Variants in ZNF324B observed in about 807,000 individuals in gnomAD.
ZNF324B encodes the protein zinc finger protein 324B.
Under a neutral mutation model 10.6 loss-of-function variants are expected in ZNF324B, and 7 were observed. The observed-to-expected ratio is 0.66, with a 90% confidence interval of 0.38 to 1.24. The LOEUF (loss-of-function observed/expected upper bound fraction) is 1.24, where lower values mean the gene tolerates loss of function less well. Ranked by LOEUF, ZNF324B falls within the 50% of genes most tolerant of loss-of-function variation. ZNF324B has a pLI of 0.02. For synonymous variants in ZNF324B, 316 were observed against 321.0 expected (o/e 0.98, Z 0.17); for missense variants, 640 against 764.7 (o/e 0.84, Z 1.92).
Position 58,456,495 on chromosome 19 carries a change from G to C in ZNF324B, c.1551G>C (p.Pro517=), listed in dbSNP as rs769641986. ...ATGCCGCAGCACCAGACTGCACCCC[G>C]GGGCCAGGTTTCCTTCAGGGACATC... ...KTNAAAPDCT[P]GPGFLQGHHR... is the part of the protein sequence containing the mutation. Residue 517 remains proline (P), a synonymous_variant, in exon 4 of 4, where the codon CCG becomes CCC. Coordinates refer to ENST00000336614, the MANE Select transcript of ZNF324B (RefSeq NM_207395.3). The surrounding 1 kb of genome is among the most constrained non-coding windows in gnomAD (Gnocchi z 4.7). The C allele has an allele frequency of 6.2e-7, 1 of 1,614,064 alleles. No individual in the cohort carries two copies. Among genetic ancestry groups the C allele is most frequent in the African/African-American group, 1.3e-5 (1 of 74,932 alleles).
At chr19:58,429,767 C>CTCAA in the ZNF324B span, 1 of 152,258 alleles carries the variant, frequency 6.6e-6, no homozygotes, top group Non-Finnish European at 1.5e-5. Context: ...AATGAAGGTA[C>CTCAA]TCAAAGCCTA....
At chr19:58,422,669 C>A in the ZNF324B span, among the ~76,000 whole-genome samples, 1 of 152,006 alleles carries the variant, frequency 6.6e-6, no homozygotes, top group Non-Finnish European at 1.5e-5. Context: ...CCAAAATATA[C>A]CTGGGAATAA....
At chr19:58,437,408 T>C in the ZNF324B span, among the ~76,000 whole-genome samples, 1 of 152,100 alleles carries the variant, frequency 6.6e-6, no homozygotes, top group Non-Finnish European at 1.5e-5. Context: ...ATGGTGCCCC[T>C]CTCTCCTAGT....
Position 58,456,191 on chromosome 19 carries a change from A to T in ZNF324B, c.1247A>T (p.Gln416Leu). Reference protein sequence around the residue: ...FSQGSSLFLHQRVHTGEKPFA... With the variant: ...FSQGSSLFLHLRVHTGEKPFA... ...CAGGGCTCCTCGCTCTTTTTGCACCAGCGCGTGCACACAGGCGAGAAGCCC... is the reference window on the plus strand; with the variant it reads ...CAGGGCTCCTCGCTCTTTTTGCACCTGCGCGTGCACACAGGCGAGAAGCCC... Residue 416 changes from glutamine (Q) to leucine (L), a missense_variant, in exon 4 of 4, where the codon CAG becomes CTG. By Grantham distance (113) the Gln-to-Leu change is moderately radical. This residue lies in a region of ZNF324B where 238 missense variants were observed against 258.0 expected (regional missense o/e 0.92). Transcript: ENST00000336614. The surrounding 1 kb of genome is among the most constrained non-coding windows in gnomAD (Gnocchi z 4.7). The T allele has an allele frequency of 6.2e-7, 1 of 1,613,228 alleles. No individual in the cohort carries two copies. Among genetic ancestry groups the T allele is most frequent in the Non-Finnish European group, 8.5e-7 (1 of 1,179,810 alleles).
chr19:58,448,419 G>C (rs1273241339), upstream of ZNF324B, among the ~76,000 whole-genome samples: 2 of 152,194 alleles, frequency 1.3e-5, no homozygotes, highest in African/African-American at 2.4e-5. Context: ...CTTTGGATTT[G>C]AGGGAGATGA....
rs1276955569 is a variant in ZNF324B, at chr19:58,456,303, C to G, written c.1359C>G (p.Phe453Leu). Reference sequence around the variant, plus strand: ...TCCTGCACACGGGCGAGCGGCCCTTCCGCTGCGTGGACTGTGGCAAGGGTT... The same window carrying G: ...TCCTGCACACGGGCGAGCGGCCCTTGCGCTGCGTGGACTGTGGCAAGGGTT... ...HQLLHTGERP[F>L]RCVDCGKGFA... The change falls in exon 4 of 4, where the codon TTC (phenylalanine) becomes TTG (leucine). Residue 453 changes from phenylalanine (F) to leucine (L), a missense_variant. Transcript: ENST00000336614. The surrounding 1 kb of genome is among the most constrained non-coding windows in gnomAD (Gnocchi z 4.7). 2 of 1,612,800 alleles carry G rather than the reference C, an allele frequency of 1.2e-6. No homozygotes were observed. Among genetic ancestry groups the G allele is most frequent in the African/African-American group, 1.3e-5 (1 of 74,936 alleles).
chr19:58,434,643 T>G, the ZNF324B span: 1 of 1,614,250 alleles, frequency 6.2e-7, no homozygotes, highest in Non-Finnish European at 8.5e-7. Flanking sequence ...TTCCACCTGT[T>G]GGGCATGTAA....
At chr19:58,421,327 A>G in the ZNF324B span, among the ~76,000 whole-genome samples, 1 of 152,116 alleles carries the variant, frequency 6.6e-6, no homozygotes, top group Non-Finnish European at 1.5e-5. Context: ...GCTGGATAGG[A>G]TATTGATCAC....
At chr19:58,434,152 T>C in the ZNF324B span, 1 of 1,614,174 alleles carries the variant, frequency 6.2e-7, no homozygotes, top group Non-Finnish European at 8.5e-7. Context: ...ACTGCATTCA[T>C]ACGGTCTTTC....
chr19:58,451,552 T>TGTGC (rs1176770834), upstream of ZNF324B: 3 of 511,426 alleles, frequency 5.9e-6, no homozygotes, highest in African/African-American at 3.9e-5. Context: ...CCCAGAAGGC[T>TGTGC]GTGCGCAAGC....
the ZNF324B span, among the ~76,000 whole-genome samples, chr19:58,427,349 C>CCTTTCTTT: frequency 8.9e-5 from 5 of 56,014 alleles, no homozygotes; most frequent in East Asian, 1.7e-3. Context: ...CTTTCTCTTT[C>CCTTTCTTT]CTTTCTTTCT....
chr19:58,432,044 G>T, the ZNF324B span, among the ~76,000 whole-genome samples: 1 of 152,052 alleles, frequency 6.6e-6, no homozygotes, highest in Admixed American at 6.6e-5. Flanking sequence ...TGGATCTCTA[G>T]CTCCTTCTAA....
chr19:58,456,139 T>C lies in ZNF324B; in HGVS notation c.1195T>C (p.Cys399Arg). The C allele has an allele frequency of 6.2e-7, 1 of 1,613,560 alleles. No individual in the cohort carries two copies. The highest frequency in any genetic ancestry group is 8.5e-7 in the Non-Finnish European group (1 of 1,179,876). The change falls in exon 4 of 4, where the codon TGC (cysteine) becomes CGC (arginine). Residue 399 changes from cysteine (C) to arginine (R), a missense_variant. By Grantham distance (180) the Cys-to-Arg change is radical. Coordinates refer to ENST00000336614, the MANE Select transcript of ZNF324B (RefSeq NM_207395.3). The surrounding 1 kb of genome is among the most constrained non-coding windows in gnomAD (Gnocchi z 4.7). ...GCACACAGGCGAGAAGCCCTTCGTA[T>C]GCGCGCTCTGCGGTGCTGCCTTCAG... ...RTHTGEKPFV[C>R]ALCGAAFSQG...
the ZNF324B span, among the ~76,000 whole-genome samples, chr19:58,422,991 T>C: frequency 1.3e-5 from 2 of 150,204 alleles, no homozygotes; most frequent in African/African-American, 4.9e-5. Context: ...TGCCTCGGCC[T>C]TCCCAGCAGC....
At chr19:58,426,398 G>C in the ZNF324B span, among the ~76,000 whole-genome samples, 1 of 152,192 alleles carries the variant, frequency 6.6e-6, no homozygotes, top group Non-Finnish European at 1.5e-5. Flanking sequence ...AGAGTTTTCT[G>C]TGTTGTCAGA....
chr19:58,456,478 G>A lies in ZNF324B; in HGVS notation c.1534G>A (p.Ala512Thr). ...IHTTEKTNAAAPDCTPGPGFL... is the reference protein window; with the variant it reads ...IHTTEKTNAATPDCTPGPGFL... Reference sequence around the variant, plus strand: ...CACCACAGAGAAGACCAATGCCGCAGCACCAGACTGCACCCCGGGGCCAGG... The same window carrying A: ...CACCACAGAGAAGACCAATGCCGCAACACCAGACTGCACCCCGGGGCCAGG... The change falls in exon 4 of 4, where the codon GCA (alanine) becomes ACA (threonine). Residue 512 changes from alanine to threonine, a missense_variant. Physicochemically the swap from Ala to Thr is moderately conservative, Grantham distance 58. This residue lies in a region of ZNF324B where 238 missense variants were observed against 258.0 expected (regional missense o/e 0.92). Coordinates refer to ENST00000336614, the MANE Select transcript of ZNF324B (RefSeq NM_207395.3). The surrounding 1 kb of genome is among the most constrained non-coding windows in gnomAD (Gnocchi z 4.7). 1.2e-6 allele frequency: 2 copies of A among 1,614,170 alleles called. No homozygotes were observed. Among genetic ancestry groups the A allele is most frequent in the African/African-American group, 1.3e-5 (1 of 75,074 alleles).
the ZNF324B span, among the ~76,000 whole-genome samples, chr19:58,438,535 G>A: frequency 6.9e-5 from 10 of 144,650 alleles, no homozygotes; most frequent in Admixed American, 5.6e-4. Flanking sequence ...GTGCAGTGGC[G>A]CGATCTTGGC....
chr19:58,438,537 G>A, the ZNF324B span, among the ~76,000 whole-genome samples: 3 of 148,364 alleles, frequency 2.0e-5, no homozygotes, highest in East Asian at 3.9e-4. Flanking sequence ...GCAGTGGCGC[G>A]ATCTTGGCTC....
chr19:58,442,368 G>T, the ZNF324B span: 2 of 150,248 alleles, frequency 1.3e-5, no homozygotes, highest in African/African-American at 5.0e-5. Context: ...TAGAGACGGG[G>T]TTTCACCTTG....
Sources: allele counts gnomAD v4.1 joint callset (sites outside exome capture counted in the v4.1 genomes callset), GRCh38; gene constraint gnomAD v4.1.1; regional missense constraint gnomAD v4.1.1; non-coding constraint Gnocchi (gnomAD v3.1); transcripts MANE v1.5; gene names NCBI Gene and HGNC (gene_info 2026-07-23, HGNC 2026-07-21).